Variants in MVB12B observed in about 807,000 individuals in gnomAD.
MVB12B encodes the protein multivesicular body subunit 12B.
A neutral mutation model predicts 41.6 loss-of-function variants in MVB12B; 16 were observed. The ratio of observed to expected loss-of-function variants is 0.38; its 90% CI spans 0.26 to 0.58. The LOEUF is 0.58. Ranked by LOEUF, MVB12B falls within the 20% of genes least tolerant of loss-of-function variation. MVB12B has a pLI of 0.62. For synonymous variants in MVB12B, 133 were observed against 139.7 expected, an observed-to-expected ratio of 0.95 and a Z score of 0.34; for missense variants, 274 against 380.2, an observed-to-expected ratio of 0.72 and a Z score of 2.32.
At chr9:126,342,572 G>T (rs1588087552) in intron 2 of MVB12B, among the ~76,000 whole-genome samples, 1 of 152,206 alleles carries the variant, frequency 6.6e-6, no homozygotes, top group South Asian at 2.1e-4. Context: ...AGGGCAAGGG[G>T]CTTGAGCTCA....
At chr9:126,344,993 T>C (rs1235664523) in intron 2 of MVB12B, among the ~76,000 whole-genome samples, 1 of 152,246 alleles carries the variant, frequency 6.6e-6, no homozygotes, top group Non-Finnish European at 1.5e-5. Context: ...ATAAGGTTTC[T>C]AGCACATGAA....
At chr9:126,335,302 A>G in intron 1 of MVB12B, 1 of 1,296,784 alleles carries the variant, frequency 7.7e-7, no homozygotes, top group Non-Finnish European at 1.0e-6. Context: ...CCACAGTGAC[A>G]GCCTCTCAGT....
At chr9:126,413,757 G>A (rs985409572) in intron 6 of MVB12B, among the ~76,000 whole-genome samples, 3 of 152,010 alleles carry the variant, frequency 2.0e-5, no homozygotes, top group Non-Finnish European at 4.4e-5. Context: ...GTCACCATCA[G>A]TATTTGCCAG....
intron 2 of MVB12B, among the ~76,000 whole-genome samples, chr9:126,378,104 G>C (rs1181324091): frequency 1.3e-5 from 2 of 152,222 alleles, no homozygotes; most frequent in Non-Finnish European, 2.9e-5. Flanking sequence ...TGCACGCAAA[G>C]CATTTGGTCC....
At chr9:126,390,055 A>G (rs1470648570) in intron 4 of MVB12B, among the ~76,000 whole-genome samples, 1 of 152,194 alleles carries the variant, frequency 6.6e-6, no homozygotes, top group Admixed American at 6.5e-5. Flanking sequence ...AACCCTGGGC[A>G]GGACTGTACT....
chr9:126,351,692 G>A (rs1829754214), intron 2 of MVB12B, among the ~76,000 whole-genome samples: 1 of 152,092 alleles, frequency 6.6e-6, no homozygotes, highest in Admixed American at 6.5e-5. Flanking sequence ...GTTTCACCAT[G>A]TTGGCCAGGC....
At chr9:126,466,025 C>G (rs993565045) in intron 7 of MVB12B, among the ~76,000 whole-genome samples, 1 of 152,152 alleles carries the variant, frequency 6.6e-6, no homozygotes, top group African/African-American at 2.4e-5. Flanking sequence ...TCTGAATTTC[C>G]TCTCAAAGAT....
At chr9:126,474,283 C>G (rs1198572004) in intron 7 of MVB12B, among the ~76,000 whole-genome samples, 2 of 152,196 alleles carry the variant, frequency 1.3e-5, no homozygotes, top group African/African-American at 4.8e-5. Context: ...ATCACAGTCT[C>G]TCTGCTCTAA....
At chr9:126,402,008 G>A (rs1279411822) in intron 6 of MVB12B, among the ~76,000 whole-genome samples, 1 of 152,198 alleles carries the variant, frequency 6.6e-6, no homozygotes, top group Non-Finnish European at 1.5e-5. Context: ...CACAGATCAG[G>A]GAGGCTGAGT....
At chr9:126,357,483 TCA>T (rs1365199172) in intron 2 of MVB12B, among the ~76,000 whole-genome samples, 15 of 152,236 alleles carry the variant, frequency 9.9e-5, no homozygotes, top group Admixed American at 9.8e-4. Flanking sequence ...CATCTGAGTC[TCA>T]GTTCTTCCAC....
intron 2 of MVB12B, among the ~76,000 whole-genome samples, chr9:126,369,128 G>C (rs537688982): frequency 6.6e-6 from 1 of 152,228 alleles, no homozygotes; most frequent in Admixed American, 6.5e-5. Context: ...TGTTAACGTT[G>C]TTGGATTTAG....
intron 7 of MVB12B, among the ~76,000 whole-genome samples, chr9:126,461,375 A>T (rs371685043): frequency 4.9e-4 from 74 of 152,042 alleles, no homozygotes; most frequent in Middle Eastern, 3.4e-3. Context: ...CTATATATAA[A>T]AAAAAAAAGA....
chr9:126,340,583 G>A lies in MVB12B; in HGVS notation c.157G>A (p.Val53Ile). The A allele has an allele frequency of 3.1e-6, 5 of 1,614,216 alleles. No individual in the cohort carries two copies. The highest frequency in any genetic ancestry group is 4.2e-6 in the Non-Finnish European group (5 of 1,180,012). Residue 53 changes from valine (V) to isoleucine (I), a missense_variant, in exon 2 of 10, where the codon GTC (valine) becomes ATC (isoleucine). By Grantham distance (29) the Val-to-Ile change is conservative (BLOSUM62 3). Transcript: ENST00000361171. The surrounding 1 kb of genome is among the most constrained non-coding windows in gnomAD (Gnocchi z 4.0). ...AACGTCAATGGATCCCATCACGGGA[G>A]TCGGGGTGGTGGCTTCTCGGAACCG... ...PETSMDPITGVGVVASRNRAP... is the reference protein window; with the variant it reads ...PETSMDPITGIGVVASRNRAP...
At chr9:126,497,441 A>T (rs554168287) in intron 9 of MVB12B, among the ~76,000 whole-genome samples, 7 of 151,790 alleles carry the variant, frequency 4.6e-5, no homozygotes, top group African/African-American at 1.7e-4. Context: ...CTGTGCCCTG[A>T]CCCCGAGGCC....
intron 7 of MVB12B, among the ~76,000 whole-genome samples, chr9:126,470,791 A>T (rs959006633): frequency 2.6e-5 from 4 of 152,076 alleles, no homozygotes; most frequent in African/African-American, 9.7e-5. Flanking sequence ...CTTCCGTCCC[A>T]CCAAACGTCT....
At position 126,486,215 on chromosome 9, in the gene MVB12B, G is replaced by A. The variant is rs1236467657; in HGVS notation, c.873+2183G>A. On this transcript the variant is annotated intron_variant, in intron 9 of 9. Transcript: ENST00000361171. The surrounding 1 kb of genome is among the most constrained non-coding windows in gnomAD (Gnocchi z 4.7). ...TTTTTGATAACTCAGGGAAAAAATG[G>A]CTGGCTGGGACATTAGAAACATAGG... 6.6e-6 allele frequency among the ~76,000 whole-genome samples: 1 copy of A among 152,020 alleles called. No homozygotes were observed. The highest frequency in any genetic ancestry group is 6.5e-5 in the Admixed American group (1 of 15,270).
At chr9:126,328,249 C>G (rs1829036804) in intron 1 of MVB12B, among the ~76,000 whole-genome samples, 1 of 152,122 alleles carries the variant, frequency 6.6e-6, no homozygotes, top group South Asian at 2.1e-4. Flanking sequence ...AGAGATGAGG[C>G]TTCTGCTTGG....
rs1564302483 is a variant in MVB12B, at chr9:126,386,200, C to T, written c.313-362C>T. Among the ~76,000 whole-genome samples, 1 of 152,178 alleles carries T rather than the reference C, an allele frequency of 6.6e-6. No individual in the cohort carries two copies. The highest frequency in any genetic ancestry group is 1.5e-5 in the Non-Finnish European group (1 of 68,030). ...CGAGTGCCTCAGGAATTTGCTCTTC[C>T]TAAAACCTCCTGGCCTTGAGATCTG... On this transcript the variant is annotated intron_variant, in intron 3 of 9. Transcript: ENST00000361171. This position sits in a 1 kb window ranked among gnomAD's most constrained non-coding sequence, Gnocchi z 4.3.
chr9:126,461,811 C>A (rs1295588658), intron 7 of MVB12B, among the ~76,000 whole-genome samples: 1 of 151,410 alleles, frequency 6.6e-6, no homozygotes, highest in African/African-American at 2.4e-5. Context: ...GCCCTGAGCC[C>A]CGACTGGCTG....
Sources: allele counts gnomAD v4.1 joint callset (sites outside exome capture counted in the v4.1 genomes callset), GRCh38; gene constraint gnomAD v4.1.1; non-coding constraint Gnocchi (gnomAD v3.1); transcripts MANE v1.5; gene names NCBI Gene and HGNC (gene_info 2026-07-23, HGNC 2026-07-21).